Variants in TDRD9 observed in about 807,000 individuals in gnomAD.
The protein encoded by TDRD9 is ATP-dependent RNA helicase TDRD9.
TDRD9 carries 124 observed loss-of-function variants against 172.6 expected under a neutral mutation model. The ratio of observed to expected loss-of-function variants is 0.72; its 90% CI spans 0.62 to 0.83. TDRD9 has a LOEUF of 0.83. Ranked by LOEUF, TDRD9 falls within the 40% of genes least tolerant of loss-of-function variation. The pLI is 0.00. For missense variants in TDRD9, 1,479 were observed against 1,714.1 expected, an observed-to-expected ratio of 0.86 and a Z score of 2.42; for synonymous variants, 619 against 617.1, an observed-to-expected ratio of 1.00 and a Z score of -0.05.
chr14:104,007,902 C>T (rs11160775), intron 19 of TDRD9, among the ~76,000 whole-genome samples: 130,743 of 151,980 alleles, frequency 0.86, 58,003 homozygotes, highest in Non-Finnish European at 0.96. Context: ...TTCAGCCTCC[C>T]GAGCAGCTGG....
intron 28 of TDRD9, among the ~76,000 whole-genome samples, chr14:104,029,197 T>C (rs1202436597): frequency 6.6e-6 from 1 of 152,188 alleles, no homozygotes; most frequent in Non-Finnish European, 1.5e-5. Context: ...ACTTTAGGAT[T>C]GTTTTTTCTA....
intron 5 of TDRD9, among the ~76,000 whole-genome samples, chr14:103,967,583 C>T (rs540536368): frequency 1.3e-5 from 2 of 152,186 alleles, no homozygotes; most frequent in African/African-American, 4.8e-5. Flanking sequence ...AGGGTAGTGT[C>T]TCTGCACTCT....
rs79962294 is a variant in TDRD9 at position 104,030,087 on chromosome 14, T to C, written c.3283-1021T>C. 8.2e-3 allele frequency among the ~76,000 whole-genome samples: 1,249 copies of C among 152,256 alleles called. 16 individuals carry two copies. The highest frequency in any genetic ancestry group is 0.029 in the African/African-American group (1,190 of 41,538). On this transcript the variant is annotated intron_variant, in intron 28 of 35. Coordinates refer to ENST00000409874, the MANE Select transcript of TDRD9 (RefSeq NM_153046.3). ...TGTATTTAATTTATATAAAAACACT[T>C]CAGGGAATTATGTTAATATTTCCAG...
At chr14:104,006,306 TC>T in intron 15 of TDRD9, 82 bp from the exon 16 acceptor site, 1 of 1,141,670 alleles carries the variant, frequency 8.8e-7, no homozygotes, top group African/African-American at 1.6e-5. Flanking sequence ...GGTCTTTGTT[TC>T]CTGTTTTGGA....
intron 11 of TDRD9, 120 bp downstream of exon 11, chr14:103,994,723 G>A: frequency 1.4e-6 from 1 of 727,326 alleles, no homozygotes; most frequent in Non-Finnish European, 2.3e-6. Flanking sequence ...CACTGTGAGA[G>A]GCTGAGGTGG....
At position 103,955,707 on chromosome 14, in the gene TDRD9, TACAG is replaced by T. The variant is rs1371278584; in HGVS notation, c.264_267del (p.Arg88SerfsTer28). On this transcript the variant is annotated frameshift_variant, in exon 2 of 36. Transcript: ENST00000409874. LOFTEE classifies it high-confidence loss of function. ...CTCAGAAGTAGAGTATATTAACAAA[TACAG>T]ACAGCTCGAAGCACAAGAGCTTGAT... 3 of 1,551,400 alleles carry T rather than the reference TACAG, an allele frequency of 1.9e-6. No homozygotes were observed. Among genetic ancestry groups the T allele is most frequent in the Non-Finnish European group, 2.6e-6 (3 of 1,146,846 alleles).
At chr14:103,946,581 A>C (rs889365254) in intron 1 of TDRD9, among the ~76,000 whole-genome samples, 1 of 152,212 alleles carries the variant, frequency 6.6e-6, no homozygotes, top group Non-Finnish European at 1.5e-5. Flanking sequence ...AATAAAATGC[A>C]TCCAAATTAC....
intron 23 of TDRD9, among the ~76,000 whole-genome samples, chr14:104,019,345 CTTTTT>C (rs910268286): frequency 2.6e-4 from 39 of 151,750 alleles, no homozygotes; most frequent in Admixed American, 2.6e-3. Flanking sequence ...TTGCCTGGGA[CTTTTT>C]TTTGTTTTAT....
chr14:104,015,350 G>A (rs1056486417), intron 21 of TDRD9, among the ~76,000 whole-genome samples: 18 of 152,206 alleles, frequency 1.2e-4, no homozygotes, highest in Admixed American at 3.9e-4. Context: ...TTTCCTAGAA[G>A]GGTTGGCTGA....
intron 28 of TDRD9, among the ~76,000 whole-genome samples, chr14:104,028,008 G>A (rs2035175290): frequency 1.3e-5 from 2 of 151,976 alleles, no homozygotes; most frequent in Admixed American, 6.6e-5. Flanking sequence ...GCTCATCCAC[G>A]TTGCCAAGAA....
intron 1 of TDRD9, among the ~76,000 whole-genome samples, chr14:103,936,086 A>G (rs896525011): frequency 6.6e-6 from 1 of 152,016 alleles, no homozygotes; most frequent in Non-Finnish European, 1.5e-5. Context: ...ATTACTGGTG[A>G]TAATTATTAT....
In TDRD9 at chr14:104,006,858, TTG is replaced by T; in HGVS notation, c.2007+17_2007+18del. ...TGAGGCATTTAAAGTAAGTTTTCTG[TTG>T]TGTAAACCATGAAAGCAGCTACCAC... On this transcript the variant is annotated intron_variant, in intron 18 of 35. Coordinates refer to ENST00000409874, the MANE Select transcript of TDRD9 (RefSeq NM_153046.3). 1 of 1,607,034 alleles carries T rather than the reference TTG, an allele frequency of 6.2e-7. No individual in the cohort carries two copies. Among genetic ancestry groups the T allele is most frequent in the Non-Finnish European group, 8.5e-7 (1 of 1,175,524 alleles).
intron 35 of TDRD9, among the ~76,000 whole-genome samples, chr14:104,050,567 A>T (rs1480603848): frequency 6.6e-6 from 1 of 152,196 alleles, no homozygotes; most frequent in Non-Finnish European, 1.5e-5. Context: ...CCCTTTGACG[A>T]TCTAAGTGAG....
In TDRD9 at chr14:104,040,276, C is replaced by T; in HGVS notation, c.3797C>T (p.Pro1266Leu). ...WNPATGASILPEHDMELAFDV... is the reference protein window; with the variant it reads ...WNPATGASILLEHDMELAFDV... The stretch of plus-strand genomic sequence containing the variant: ...CCAGCTACAGGGGCTTCCATACTGC[C>T]CGAGCACGACATGGAGCTTGCGTTT... Residue 1266 changes from proline (P) to leucine (L), a missense_variant, in exon 33 of 36, where the codon CCC becomes CTC. Transcript: ENST00000409874. 1.9e-6 allele frequency: 3 copies of T among 1,551,588 alleles called. No homozygotes were observed. Among genetic ancestry groups the T allele is most frequent in the Non-Finnish European group, 2.6e-6 (3 of 1,146,840 alleles).
chr14:103,962,400 T>C (rs1381314645), intron 2 of TDRD9, among the ~76,000 whole-genome samples: 1 of 152,236 alleles, frequency 6.6e-6, no homozygotes, highest in Non-Finnish European at 1.5e-5. Context: ...CTTGCAATAT[T>C]GGTGGCTGTG....
Position 103,954,554 on chromosome 14 carries a change from G to A in TDRD9, c.216-1110G>A, listed in dbSNP as rs143078950. Among the ~76,000 whole-genome samples, 22 of 152,340 alleles carry A rather than the reference G, an allele frequency of 1.4e-4. No homozygotes were observed. The East Asian group carries it at 4.0e-3, about 28-fold the overall frequency. On this transcript the variant is annotated intron_variant, in intron 1 of 35. Coordinates refer to ENST00000409874, the MANE Select transcript of TDRD9 (RefSeq NM_153046.3). ...ACGTGCTTCGTTTACATGTGCTGAT[G>A]TTTAACAAAGATTCTGAGGAAAAGT...
intron 12 of TDRD9, among the ~76,000 whole-genome samples, chr14:103,998,415 CT>C (rs1346252961): frequency 6.6e-6 from 1 of 152,056 alleles, no homozygotes; most frequent in African/African-American, 2.4e-5. Context: ...TTCTTTACAC[CT>C]AGAGACTCCC....
intron 35 of TDRD9, among the ~76,000 whole-genome samples, chr14:104,050,814 T>C (rs1159546103): frequency 6.6e-6 from 1 of 152,240 alleles, no homozygotes; most frequent in African/African-American, 2.4e-5. Context: ...AGCAGGACTT[T>C]GTTTGAAAAC....
At chr14:103,990,159 G>A (rs751683093) in intron 8 of TDRD9, among the ~76,000 whole-genome samples, 13 of 152,222 alleles carry the variant, frequency 8.5e-5, no homozygotes, top group Non-Finnish European at 1.6e-4. Context: ...GGGCTGTGAT[G>A]CAGCAGATGT....
Sources: allele counts gnomAD v4.1 joint callset (sites outside exome capture counted in the v4.1 genomes callset), GRCh38; gene constraint gnomAD v4.1.1; transcripts MANE v1.5; gene names NCBI Gene and HGNC (gene_info 2026-07-23, HGNC 2026-07-21).